Variants in UNC80 observed in about 807,000 individuals in gnomAD.
UNC80 encodes the protein unc-80 subunit of NALCN channel complex.
Under a neutral mutation model 384.6 loss-of-function variants are expected in UNC80, and 164 were observed. The observed-to-expected ratio is 0.43, with a 90% CI of 0.38 to 0.49. The LOEUF (loss-of-function observed/expected upper bound fraction) is 0.49, where lower values mean the gene tolerates loss of function less well. Among genes scored for constraint, UNC80 ranks in the 20% least tolerant of loss-of-function variants. The pLI is 0.00. For missense variants in UNC80, 3,330 were observed against 4,143.0 expected (o/e 0.80, Z 5.39); for synonymous variants, 1,486 against 1,527.8 (o/e 0.97, Z 0.64).
intron 4 of UNC80, among the ~76,000 whole-genome samples, chr2:209,782,605 G>A (rs768775802): frequency 6.6e-5 from 10 of 151,946 alleles, no homozygotes; most frequent in Non-Finnish European, 1.5e-4. Flanking sequence ...CATAGTATCT[G>A]TGTTTAATAG....
intron 7 of UNC80, among the ~76,000 whole-genome samples, chr2:209,796,796 A>G (rs780535504): frequency 1.3e-5 from 2 of 152,200 alleles, no homozygotes; most frequent in Non-Finnish European, 2.9e-5. Context: ...CTGTAAGTCC[A>G]ATTAAACCTG....
intron 26 of UNC80, among the ~76,000 whole-genome samples, chr2:209,893,934 G>C (rs1036658860): frequency 1.3e-5 from 2 of 152,190 alleles, no homozygotes; most frequent in African/African-American, 4.8e-5. Context: ...GGGCCAGAAA[G>C]AGAGCAGGTT....
At chr2:209,876,072 A>G (rs2124887981) in intron 23 of UNC80, among the ~76,000 whole-genome samples, 1 of 152,268 alleles carries the variant, frequency 6.6e-6, no homozygotes, top group African/African-American at 2.4e-5. Flanking sequence ...TTATGAGCTA[A>G]TAAAGTGTTT....
intron 7 of UNC80, among the ~76,000 whole-genome samples, chr2:209,794,514 C>T (rs898605457): frequency 2.6e-5 from 4 of 152,084 alleles, no homozygotes; most frequent in Admixed American, 2.6e-4. Flanking sequence ...ATTTTTAAGA[C>T]TAGTTTTATT....
chr2:209,938,676 G>C (rs1010826228), intron 42 of UNC80, among the ~76,000 whole-genome samples: 1 of 137,386 alleles, frequency 7.3e-6, no homozygotes, highest in Non-Finnish European at 1.6e-5. Flanking sequence ...CCTAGTCTCT[G>C]TCTCTCTCTC....
At chr2:209,788,833 G>C (rs1351914736) in intron 5 of UNC80, among the ~76,000 whole-genome samples, 2 of 151,992 alleles carry the variant, frequency 1.3e-5, no homozygotes, top group African/African-American at 4.8e-5. Context: ...GATAAATTTA[G>C]CATTGCCTTC....
chr2:209,844,443 C>CTT (rs2081988168), intron 21 of UNC80, among the ~76,000 whole-genome samples: 1 of 128,884 alleles, frequency 7.8e-6, no homozygotes. Flanking sequence ...TCTTTTCTTG[C>CTT]TCTTTTCTTT....
chr2:209,984,542 A>G (rs1224315029), intron 60 of UNC80, among the ~76,000 whole-genome samples: 1 of 152,186 alleles, frequency 6.6e-6, no homozygotes, highest in Non-Finnish European at 1.5e-5. Context: ...TTCATCTTCT[A>G]CAGATTCATT....
chr2:209,853,047 A>G (rs996464175), intron 22 of UNC80, among the ~76,000 whole-genome samples: 3 of 152,134 alleles, frequency 2.0e-5, no homozygotes, highest in African/African-American at 7.2e-5. Flanking sequence ...AGATAGATAT[A>G]CATATACAGA....
At chr2:209,932,964 G>A (rs976246367) in intron 38 of UNC80, among the ~76,000 whole-genome samples, 2 of 152,104 alleles carry the variant, frequency 1.3e-5, no homozygotes, top group East Asian at 1.9e-4. Flanking sequence ...TTAGGTTTGC[G>A]ACACTGATTC....
chr2:209,789,390 C>A (rs2077653547), intron 5 of UNC80, 142 bp from the exon 6 acceptor site: 4 of 596,478 alleles, frequency 6.7e-6, no homozygotes, highest in Non-Finnish European at 2.9e-6. Context: ...ATTTGAATAT[C>A]TCTTACAATA....
Position 209,943,372 on chromosome 2 carries a change from T to G in UNC80, c.6916-8T>G, listed in dbSNP as rs1297251076. 2.6e-6 allele frequency: 4 copies of G among 1,551,484 alleles called. No individual in the cohort carries two copies. The African/African-American group carries it at 5.5e-5, about 21-fold the overall frequency. ...GGCATTTTTTGAATATCTGGCATTT[T>G]TCCATAGGTGTACTCCGACTATGAA... On this transcript the variant is annotated splice_region_variant and splice_polypyrimidine_tract_variant and intron_variant, in intron 44 of 64. Transcript: ENST00000673920.
chr2:209,917,972 C>G lies in UNC80; in HGVS notation c.5211+14C>G, dbSNP rs753910734. 280 of 1,550,478 alleles carry G rather than the reference C, an allele frequency of 1.8e-4. 1 individual carries two copies. In the Middle Eastern group the frequency reaches 2.7e-3, roughly 15 times the overall value. ...CAGATTTTTAAGGTGAGGGATACTT[C>G]TCACAGAGGAGTTACATTAGCAAAC... On this transcript the variant is annotated intron_variant, in intron 32 of 64. Coordinates refer to ENST00000673920, the MANE Select transcript of UNC80 (RefSeq NM_001371986.1).
chr2:209,787,002 TATATATATATATATATAC>T (rs1559088147), intron 5 of UNC80, among the ~76,000 whole-genome samples: 1 of 131,676 alleles, frequency 7.6e-6, no homozygotes, highest in African/African-American at 3.1e-5. Context: ...TATATATATA[TATATATATATATATATAC>T]CTATATATTT....
chr2:209,824,379 G>C (rs112709958), intron 13 of UNC80, among the ~76,000 whole-genome samples: 1,824 of 152,278 alleles, frequency 0.012, 40 homozygotes, highest in African/African-American at 0.04. Flanking sequence ...GGCATAGGGA[G>C]AAATTGAACT....
Position 209,994,199 on chromosome 2 carries a change from G to C in UNC80, c.9643G>C (p.Glu3215Gln). 5 of 1,551,302 alleles carry C rather than the reference G, an allele frequency of 3.2e-6. No homozygotes were observed. The highest frequency in any genetic ancestry group is 4.4e-6 in the Non-Finnish European group (5 of 1,146,896). ...APSRKPEAMD[E>Q]PVLTSSPAIV... ...TTCTAGGAAACCAGAAGCAATGGAC[G>C]AACCAGTCCTCACATCTTCTCCCGC... Residue 3215 changes from glutamate (E) to glutamine (Q), a missense_variant, in exon 64 of 65, where the codon GAA becomes CAA. Physicochemically the swap from Glu to Gln is conservative, Grantham distance 29 (BLOSUM62 2). Coordinates refer to ENST00000673920, the MANE Select transcript of UNC80 (RefSeq NM_001371986.1).
chr2:209,940,844 G>A (rs937622283), intron 43 of UNC80, among the ~76,000 whole-genome samples: 5 of 151,910 alleles, frequency 3.3e-5, no homozygotes, highest in African/African-American at 9.7e-5. Flanking sequence ...AAAACAAAAC[G>A]CTTCAGCTTC....
Position 209,880,126 on chromosome 2 carries a change from A to C in UNC80, c.3977-835A>C, listed in dbSNP as rs1256256640. 4.0e-5 allele frequency among the ~76,000 whole-genome samples: 6 copies of C among 151,590 alleles called. No homozygotes were observed. In the South Asian group the frequency reaches 6.2e-4, roughly 16 times the overall value. On this transcript the variant is annotated intron_variant, in intron 24 of 64. Coordinates refer to ENST00000673920, the MANE Select transcript of UNC80 (RefSeq NM_001371986.1). ...TTTGATTTTTTCTGAACACGTAAAT[A>C]ATATATTTCTACATCATCCTGTGTC...
chr2:209,809,046 A>G, intron 7 of UNC80: 1 of 419,440 alleles, frequency 2.4e-6, no homozygotes, highest in Non-Finnish European at 4.5e-6. Flanking sequence ...AGGCGGCAGA[A>G]CTGACCTCAC....
Sources: allele counts gnomAD v4.1 joint callset (sites outside exome capture counted in the v4.1 genomes callset), GRCh38; gene constraint gnomAD v4.1.1; transcripts MANE v1.5; gene names NCBI Gene and HGNC (gene_info 2026-07-23, HGNC 2026-07-21).